The following FAM53B variants were observed in gnomAD, a reference collection of about 807,000 sequenced individuals.
The protein encoded by FAM53B is family with sequence similarity 53 member B.
Under a neutral mutation model 32.7 loss-of-function variants are expected in FAM53B, and 12 were observed. That is an observed-to-expected ratio of 0.37 (90% confidence interval 0.24 to 0.59). The LOEUF (loss-of-function observed/expected upper bound fraction) is 0.59, where lower values mean the gene tolerates loss of function less well. FAM53B is among the 20% of genes least tolerant of loss of function. FAM53B has a pLI of 0.72. For synonymous variants in FAM53B, 234 were observed against 228.7 expected, an observed-to-expected ratio of 1.02 and a Z score of -0.21; for missense variants, 477 against 577.7, an observed-to-expected ratio of 0.83 and a Z score of 1.79.
chr10:124,638,142 G>C (rs1162160688), intron 4 of FAM53B, among the ~76,000 whole-genome samples: 1 of 152,234 alleles, frequency 6.6e-6, no homozygotes, highest in Non-Finnish European at 1.5e-5. Flanking sequence ...AGCTGAGGCA[G>C]GCGGATCACG....
At chr10:124,634,655 A>C (rs11818135) in intron 4 of FAM53B, among the ~76,000 whole-genome samples, 28,474 of 151,954 alleles carry the variant, frequency 0.19, 2,868 homozygotes, top group East Asian at 0.29. Flanking sequence ...GTCAATTAAG[A>C]CTCTTTCCTT....
intron 4 of FAM53B, among the ~76,000 whole-genome samples, chr10:124,655,499 C>T (rs755056332): frequency 6.6e-6 from 1 of 151,962 alleles, no homozygotes; most frequent in African/African-American, 2.4e-5. Flanking sequence ...CACGGGATGC[C>T]GAGGAATGAG....
Position 124,744,260 on chromosome 10 carries a change from C to A in FAM53B, c.-422G>T, listed in dbSNP as rs1950219408. The A allele has an allele frequency of 6.8e-6, 1 of 147,422 alleles. No individual in the cohort carries two copies. Among genetic ancestry groups the A allele is most frequent in the Non-Finnish European group, 1.5e-5 (1 of 66,086 alleles). 9.1% of individuals were successfully genotyped at this position (147,422 alleles called of 1,614,324 possible). Reference sequence around the variant, plus strand: ...CCGCCGCCGCGGAGCCGCCAGACCGCGGCTGCGTGAACTCGGCCCGGCGCT... The same window carrying A: ...CCGCCGCCGCGGAGCCGCCAGACCGAGGCTGCGTGAACTCGGCCCGGCGCT... On this transcript the variant is annotated 5_prime_UTR_variant, in exon 1 of 5. Coordinates refer to ENST00000337318, the MANE Select transcript of FAM53B (RefSeq NM_014661.4).
At chr10:124,738,661 C>T (rs1432147513) in intron 1 of FAM53B, among the ~76,000 whole-genome samples, 1 of 151,718 alleles carries the variant, frequency 6.6e-6, no homozygotes, top group Non-Finnish European at 1.5e-5. Context: ...GTACCAAGTT[C>T]AGTCACACTG....
intron 4 of FAM53B, among the ~76,000 whole-genome samples, chr10:124,678,562 C>A (rs923164737): frequency 1.3e-5 from 2 of 152,182 alleles, no homozygotes; most frequent in Non-Finnish European, 2.9e-5. Flanking sequence ...AAAGTGAACA[C>A]CATGCCCAGA....
At chr10:124,675,252 T>G (rs1348976731) in intron 4 of FAM53B, among the ~76,000 whole-genome samples, 1 of 151,518 alleles carries the variant, frequency 6.6e-6, no homozygotes, top group Non-Finnish European at 1.5e-5. Context: ...CAACACTCCG[T>G]CAAAAGAAAG....
intron 4 of FAM53B, among the ~76,000 whole-genome samples, chr10:124,628,244 G>C (rs551418641): frequency 1.3e-5 from 2 of 152,314 alleles, no homozygotes; most frequent in African/African-American, 4.8e-5. Flanking sequence ...TTTGTCTAGG[G>C]ACTGCTGTCC....
intron 4 of FAM53B, among the ~76,000 whole-genome samples, chr10:124,626,399 CCCCA>C (rs948184681): frequency 6.1e-5 from 9 of 147,212 alleles, no homozygotes; most frequent in South Asian, 2.3e-4. Context: ...CCCCCCCCCC[CCCCA>C]CCATTCCTCA....
At chr10:124,737,595 A>G (rs1400115001) in intron 1 of FAM53B, among the ~76,000 whole-genome samples, 1 of 152,100 alleles carries the variant, frequency 6.6e-6, no homozygotes, top group Non-Finnish European at 1.5e-5. Flanking sequence ...TGGGAGAGTC[A>G]CCTCACCTCT....
intron 1 of FAM53B, among the ~76,000 whole-genome samples, chr10:124,741,528 A>G (rs920277146): frequency 6.6e-6 from 1 of 152,194 alleles, no homozygotes; most frequent in Admixed American, 6.5e-5. Flanking sequence ...CCAAAAGGGG[A>G]GGAGAGCAGG....
intron 4 of FAM53B, among the ~76,000 whole-genome samples, chr10:124,670,953 C>T (rs1949703993): frequency 6.6e-6 from 1 of 152,218 alleles, no homozygotes; most frequent in Non-Finnish European, 1.5e-5. Context: ...AGGTGGCCAG[C>T]ACACTCCAGG....
intron 1 of FAM53B, among the ~76,000 whole-genome samples, chr10:124,727,261 G>A (rs1335891378): frequency 7.0e-6 from 1 of 142,674 alleles, no homozygotes; most frequent in Non-Finnish European, 1.5e-5. Context: ...CAAGCGATCT[G>A]CCTGCCTCAG....
chr10:124,723,368 T>A lies in FAM53B; in HGVS notation c.-174-16481A>T, dbSNP rs74160954. Among the ~76,000 whole-genome samples the A allele has an allele frequency of 6.5e-3, 987 of 152,362 alleles. 18 individuals carry two copies. The highest frequency in any genetic ancestry group is 0.023 in the African/African-American group (947 of 41,578). ...GGGTTTCCGATAGCTATCAAAATGT[T>A]GTTAACACTAATTCAAAGCACAGCA... On this transcript the variant is annotated intron_variant, in intron 1 of 4. Transcript: ENST00000337318.
intron 4 of FAM53B, among the ~76,000 whole-genome samples, chr10:124,635,900 T>C (rs981607267): frequency 6.6e-6 from 1 of 152,224 alleles, no homozygotes; most frequent in African/African-American, 2.4e-5. Flanking sequence ...AAGGTATGTA[T>C]TGCATGCTAT....
chr10:124,720,862 A>G (rs1432416322), intron 1 of FAM53B, among the ~76,000 whole-genome samples: 1 of 152,252 alleles, frequency 6.6e-6, no homozygotes, highest in Non-Finnish European at 1.5e-5. Context: ...TTATTAAAAT[A>G]TCTTGATAAA....
At chr10:124,635,064 G>A (rs1474840899) in intron 4 of FAM53B, among the ~76,000 whole-genome samples, 4 of 151,620 alleles carry the variant, frequency 2.6e-5, no homozygotes, top group South Asian at 2.1e-4. Context: ...AGAAGAAAAC[G>A]ACCAATGACA....
chr10:124,726,390 C>G (rs892496113), intron 1 of FAM53B, among the ~76,000 whole-genome samples: 6 of 152,192 alleles, frequency 3.9e-5, no homozygotes, highest in Admixed American at 1.3e-4. Flanking sequence ...TGAAGGAGAA[C>G]AGTGGCATCG....
intron 4 of FAM53B, among the ~76,000 whole-genome samples, chr10:124,663,826 C>G (rs1949648849): frequency 6.6e-6 from 1 of 152,010 alleles, no homozygotes. Context: ...TGCTTCTACC[C>G]TCGGGCATCT....
At chr10:124,642,141 T>C (rs1007092393) in intron 4 of FAM53B, among the ~76,000 whole-genome samples, 2 of 152,214 alleles carry the variant, frequency 1.3e-5, no homozygotes, top group Non-Finnish European at 2.9e-5. Context: ...GTGCAGTCAG[T>C]GGCTGTGCCG....
Sources: allele counts gnomAD v4.1 joint callset (sites outside exome capture counted in the v4.1 genomes callset), GRCh38; gene constraint gnomAD v4.1.1; transcripts MANE v1.5; gene names NCBI Gene and HGNC (gene_info 2026-07-23, HGNC 2026-07-21).